Variants in PTPRM observed in about 807,000 individuals in gnomAD.
PTPRM encodes the protein receptor-type tyrosine-protein phosphatase mu.
A neutral mutation model predicts 186.7 loss-of-function variants in PTPRM; 47 were observed. The observed-to-expected ratio is 0.25, with a 90% CI of 0.20 to 0.32. PTPRM has a LOEUF of 0.32. Ranked by LOEUF, PTPRM falls within the 10% of genes least tolerant of loss-of-function variation. The pLI, the probability that PTPRM is intolerant of heterozygous loss-of-function variation, is 1.00. For synonymous variants in PTPRM, 668 were observed against 674.9 expected (o/e 0.99, Z 0.16); for missense variants, 1,494 against 1,865.0 (o/e 0.80, Z 3.66).
chr18:8,181,884 GA>G (rs2093580593), intron 14 of PTPRM, among the ~76,000 whole-genome samples: 1 of 151,892 alleles, frequency 6.6e-6, no homozygotes, highest in African/African-American at 2.4e-5. Flanking sequence ...CCTTAAAAAA[GA>G]AAAAGTGGAA....
chr18:7,669,361 A>G (rs76091366), intron 1 of PTPRM, among the ~76,000 whole-genome samples: 110 of 151,072 alleles, frequency 7.3e-4, no homozygotes, highest in African/African-American at 2.5e-3. Flanking sequence ...GGATGGCCAC[A>G]TGTGTGTTGA....
At position 8,376,201 on chromosome 18, in the gene PTPRM, G is replaced by A; in HGVS notation, c.3326+1G>A. 6.2e-7 allele frequency: 1 copy of A among 1,609,800 alleles called. No homozygotes were observed. Among genetic ancestry groups the A allele is most frequent in the Non-Finnish European group, 8.5e-7 (1 of 1,177,876 alleles). On this transcript the variant is annotated splice_donor_variant, in intron 25 of 32. Transcript: ENST00000580170. LOFTEE classifies it high-confidence loss of function. ...CAGGCCCACTGGTGGTGCACTGCAG[G>A]TAAGCAGAGCTCCAGAGCCTCTTGA...
At chr18:8,153,112 C>T (rs1258486483) in intron 14 of PTPRM, among the ~76,000 whole-genome samples, 1 of 152,140 alleles carries the variant, frequency 6.6e-6, no homozygotes, top group Non-Finnish European at 1.5e-5. Context: ...ACATATGACC[C>T]AGTGTAAGTC....
At position 8,396,910 on chromosome 18, in the gene PTPRM, C is replaced by T. The variant is rs534758579; in HGVS notation, c.4344+2299C>T. On this transcript the variant is annotated intron_variant, in intron 32 of 32. Transcript: ENST00000580170. Reference sequence around the variant, plus strand: ...TGTCATTTGGTTTTGCCTGTAAATACGACTTCTGTTTAGTTTGGTGTTGAT... The same window carrying T: ...TGTCATTTGGTTTTGCCTGTAAATATGACTTCTGTTTAGTTTGGTGTTGAT... Among the ~76,000 whole-genome samples the T allele has an allele frequency of 2.6e-5, 4 of 152,238 alleles. No homozygotes were observed. In the East Asian group the frequency reaches 7.7e-4, roughly 29 times the overall value.
chr18:7,887,975 A>G, intron 2 of PTPRM, 131 bp from the exon 3 acceptor site: 2 of 1,035,054 alleles, frequency 1.9e-6, no homozygotes, highest in Non-Finnish European at 1.5e-6. Flanking sequence ...ATAGGAATGG[A>G]AGAAATGGCA....
chr18:8,327,963 A>G (rs1483982111), intron 22 of PTPRM, among the ~76,000 whole-genome samples: 1 of 152,320 alleles, frequency 6.6e-6, no homozygotes, highest in South Asian at 2.1e-4. Context: ...ACAAACTTTT[A>G]TGTGAAAATA....
chr18:8,083,474 A>G (rs1311881542), intron 9 of PTPRM, among the ~76,000 whole-genome samples: 2 of 151,976 alleles, frequency 1.3e-5, no homozygotes, highest in African/African-American at 4.8e-5. Context: ...CTTAACTGAC[A>G]TCTCAGTGGG....
intron 2 of PTPRM, among the ~76,000 whole-genome samples, chr18:7,839,778 T>C (rs566875626): frequency 6.6e-6 from 1 of 152,244 alleles, no homozygotes; most frequent in African/African-American, 2.4e-5. Context: ...CGAGTTCCAG[T>C]CCTTGTGGCC....
intron 2 of PTPRM, among the ~76,000 whole-genome samples, chr18:7,807,859 T>C (rs1056953921): frequency 6.6e-6 from 1 of 152,360 alleles, no homozygotes; most frequent in African/African-American, 2.4e-5. Flanking sequence ...GTAGAGTCTA[T>C]GTAATGTTAC....
At position 8,152,606 on chromosome 18, in the gene PTPRM, ACC is replaced by A. The variant is rs1184089285; in HGVS notation, c.2300+8830_2300+8831del. ...ATTTATTTTCATTCCATTCCTCTCT[ACC>A]CCTCTTTTCTTTACCCTTCTTTACC... On this transcript the variant is annotated intron_variant, in intron 14 of 32. Coordinates refer to ENST00000580170, the MANE Select transcript of PTPRM (RefSeq NM_001105244.2). Among the ~76,000 whole-genome samples the A allele has an allele frequency of 3.6e-5, 5 of 139,380 alleles. No homozygotes were observed. In the East Asian group the frequency reaches 8.4e-4, roughly 23 times the overall value. 91.4% of individuals were successfully genotyped at this position (139,380 alleles called of 152,430 possible). A position where few individuals can be genotyped will look rare whatever the true frequency, so the allele number is the denominator to read the frequency against.
At chr18:7,675,526 C>T (rs1042974841) in intron 1 of PTPRM, among the ~76,000 whole-genome samples, 3 of 151,962 alleles carry the variant, frequency 2.0e-5, no homozygotes, top group Non-Finnish European at 2.9e-5. Context: ...AAAACATCAC[C>T]GGGAGTTCAC....
At chr18:8,177,352 T>C (rs941009779) in intron 14 of PTPRM, among the ~76,000 whole-genome samples, 3 of 152,210 alleles carry the variant, frequency 2.0e-5, no homozygotes, top group Non-Finnish European at 4.4e-5. Flanking sequence ...CAGAGTTTAA[T>C]TGAGCAAAGA....
At position 8,241,493 on chromosome 18, in the gene PTPRM, G is replaced by T. The variant is rs73394081; in HGVS notation, c.2301-2565G>T. On this transcript the variant is annotated intron_variant, in intron 14 of 32. Coordinates refer to ENST00000580170, the MANE Select transcript of PTPRM (RefSeq NM_001105244.2). The stretch of plus-strand genomic sequence containing the variant: ...GTGCCCACAAACATGCTTTATTTGG[G>T]CTGTGTAGTGATTTATTTTTAAATT... Among the ~76,000 whole-genome samples the T allele has an allele frequency of 6.9e-3, 1,050 of 152,238 alleles. 11 individuals are homozygous for T. The highest frequency in any genetic ancestry group is 0.024 in the African/African-American group (1,007 of 41,522).
intron 14 of PTPRM, among the ~76,000 whole-genome samples, chr18:8,242,572 C>A (rs1364702153): frequency 6.6e-6 from 1 of 152,154 alleles, no homozygotes; most frequent in Non-Finnish European, 1.5e-5. Flanking sequence ...CTTTCAAAAT[C>A]TTTGTAGCTT....
chr18:7,963,550 TC>T (rs1809379911), intron 7 of PTPRM, among the ~76,000 whole-genome samples: 1 of 152,208 alleles, frequency 6.6e-6, no homozygotes, highest in African/African-American at 2.4e-5. Flanking sequence ...CTCCTCAACT[TC>T]CTCTAGGCTT....
At chr18:8,012,476 C>G (rs552106832) in intron 7 of PTPRM, among the ~76,000 whole-genome samples, 1 of 152,148 alleles carries the variant, frequency 6.6e-6, no homozygotes, top group Non-Finnish European at 1.5e-5. Context: ...TGTTGCTAGG[C>G]GATTTCATCA....
At chr18:7,622,516 T>G (rs7228736) in intron 1 of PTPRM, among the ~76,000 whole-genome samples, 46,584 of 151,872 alleles carry the variant, frequency 0.31, 11,465 homozygotes, top group African/African-American at 0.68. Context: ...CTTGTCTGTA[T>G]GATGTAAACA....
rs1195594004 is a variant in PTPRM at position 7,753,487 on chromosome 18, TC to T, written c.74-20661del. 1.1e-4 allele frequency among the ~76,000 whole-genome samples: 17 copies of T among 152,336 alleles called. No homozygotes were observed. In the East Asian group the frequency reaches 3.1e-3, roughly 28 times the overall value. ...ATAATCTTGAGAAATCTTTTCTTTC[TC>T]GAAGCCTTAGTTTGCCCATCAGCTA... On this transcript the variant is annotated intron_variant, in intron 1 of 32. Transcript: ENST00000580170.
chr18:7,755,349 A>G (rs2041430973), intron 1 of PTPRM: 1 of 152,154 alleles, frequency 6.6e-6, no homozygotes, highest in East Asian at 1.9e-4. Flanking sequence ...GGATACTGTG[A>G]TCTCTTCAAT....
Sources: allele counts gnomAD v4.1 joint callset (sites outside exome capture counted in the v4.1 genomes callset), GRCh38; gene constraint gnomAD v4.1.1; transcripts MANE v1.5; gene names NCBI Gene and HGNC (gene_info 2026-07-23, HGNC 2026-07-21).